PTPRE: variants seen among roughly 807,000 people sequenced by gnomAD.
The protein encoded by PTPRE is protein tyrosine phosphatase receptor type E.
PTPRE carries 51 observed loss-of-function variants against 102.0 expected under a neutral mutation model. That is an observed-to-expected ratio of 0.50 (90% CI 0.40 to 0.63). The LOEUF (loss-of-function observed/expected upper bound fraction) is 0.63. Among genes scored for constraint, PTPRE ranks in the 30% least tolerant of loss-of-function variants. PTPRE has a pLI of 0.00. For synonymous variants in PTPRE, 345 were observed against 348.2 expected (o/e 0.99, Z 0.10); for missense variants, 752 against 915.1 (o/e 0.82, Z 2.30).
At chr10:128,023,235 A>AT (rs1846048718) in intron 2 of PTPRE, among the ~76,000 whole-genome samples, 1 of 152,138 alleles carries the variant, frequency 6.6e-6, no homozygotes, top group Non-Finnish European at 1.5e-5. Flanking sequence ...GTAGGTATAC[A>AT]TGTATAGGAA....
At chr10:128,029,173 C>G (rs551206573) in intron 2 of PTPRE, among the ~76,000 whole-genome samples, 1 of 152,292 alleles carries the variant, frequency 6.6e-6, no homozygotes, top group East Asian at 1.9e-4. Flanking sequence ...AGGCGGAAGG[C>G]TCGTGGGGGC....
At chr10:127,990,477 C>T (rs1286929107) in intron 2 of PTPRE, among the ~76,000 whole-genome samples, 5 of 150,886 alleles carry the variant, frequency 3.3e-5, no homozygotes, top group Non-Finnish European at 7.4e-5. Context: ...CTTGTCACTT[C>T]ATCACTCTGA....
rs1307315800 is a variant in PTPRE at position 128,068,302 on chromosome 10, C to T, written c.1007+16C>T. The T allele has an allele frequency of 6.2e-7, 1 of 1,605,096 alleles. No homozygotes were observed. The highest frequency in any genetic ancestry group is 1.1e-5 in the South Asian group (1 of 90,274). On this transcript the variant is annotated intron_variant, in intron 12 of 20. Transcript: ENST00000254667. ...TCCACTGTAGGTACGCTGTGGGGGC[C>T]ACGGGGCGGGACCCTCAAGGGCAGG...
At chr10:128,046,298 A>C (rs1200973116) in intron 3 of PTPRE, among the ~76,000 whole-genome samples, 1 of 152,260 alleles carries the variant, frequency 6.6e-6, no homozygotes, top group Middle Eastern at 3.4e-3. Context: ...GAGCCCTCCC[A>C]GTGCCCGGAG....
intron 1 of PTPRE, among the ~76,000 whole-genome samples, chr10:127,977,823 C>G (rs1245761388): frequency 6.6e-6 from 1 of 152,208 alleles, no homozygotes; most frequent in East Asian, 1.9e-4. Flanking sequence ...GGGTGGATTT[C>G]CCCTGTTCCG....
chr10:127,956,097 A>G (rs909810254), intron 1 of PTPRE, among the ~76,000 whole-genome samples: 5 of 152,190 alleles, frequency 3.3e-5, no homozygotes, highest in African/African-American at 1.2e-4. Context: ...CTGTCAGGTG[A>G]AACTATTACC....
At chr10:128,000,207 A>G (rs1853726408) in intron 2 of PTPRE, among the ~76,000 whole-genome samples, 1 of 152,216 alleles carries the variant, frequency 6.6e-6, no homozygotes, top group South Asian at 2.1e-4. Context: ...AGTTTGGTTC[A>G]AATGATTTTC....
Position 128,023,188 on chromosome 10 carries a change from A to G in PTPRE, c.-7-17687A>G, listed in dbSNP as rs1421734320. Among the ~76,000 whole-genome samples, 6 of 151,866 alleles carry G rather than the reference A, an allele frequency of 4.0e-5. No homozygotes were observed. In the South Asian group the frequency reaches 1.0e-3, roughly 26 times the overall value. On this transcript the variant is annotated intron_variant, in intron 2 of 20. Transcript: ENST00000254667. ...TTGTTCTATTTTATTATTGTTGTTA[A>G]TCTCTTACTGTGCCTGATTTATAAA...
rs926410994 is a variant in PTPRE at position 128,070,598 on chromosome 10, A to G, written c.1293+148A>G. On this transcript the variant is annotated intron_variant, in intron 14 of 20. Transcript: ENST00000254667. The surrounding 1 kb of genome is among the most constrained non-coding windows in gnomAD (Gnocchi z 4.8). ...AGGGGCAATACCTGAGCCATGATTT[A>G]CAAGGGAAGAAGGATCAGGTGGCTT... 1.9e-5 allele frequency: 23 copies of G among 1,241,378 alleles called. No homozygotes were observed. The highest frequency in any genetic ancestry group is 2.3e-5 in the Non-Finnish European group (21 of 910,736). The allele number at this position is 1,241,378 out of a possible 1,614,324, so 76.9% of individuals were successfully genotyped here. A position where few individuals can be genotyped will look rare whatever the true frequency, so the allele number is the denominator to read the frequency against.
intron 3 of PTPRE, among the ~76,000 whole-genome samples, chr10:128,046,687 T>A (rs1488348337): frequency 6.6e-6 from 1 of 151,792 alleles, no homozygotes; most frequent in East Asian, 1.9e-4. Context: ...GGTCCAAAGG[T>A]GGCAGCGAGG....
In PTPRE at chr10:128,068,224, G is replaced by A. The variant is rs751204517; in HGVS notation, c.945G>A (p.Lys315=). 6 of 1,614,212 alleles carry A rather than the reference G, an allele frequency of 3.7e-6. No individual in the cohort carries two copies. In the South Asian group the frequency reaches 5.5e-5, roughly 15 times the overall value. The change falls in exon 12 of 21, where the codon AAG becomes AAA. Residue 315 remains lysine, a synonymous_variant. Transcript: ENST00000254667. ...GVPFTPIGML[K]FLKKVKTLNP... ...CTTTTACCCCCATTGGGATGCTGAAGTTCCTCAAGAAAGTAAAGACGCTCA... is the reference window on the plus strand; with the variant it reads ...CTTTTACCCCCATTGGGATGCTGAAATTCCTCAAGAAAGTAAAGACGCTCA...
At chr10:127,984,151 G>A (rs181087306) in intron 2 of PTPRE, among the ~76,000 whole-genome samples, 110 of 147,692 alleles carry the variant, frequency 7.4e-4, no homozygotes, top group Admixed American at 3.4e-3. Flanking sequence ...GCGTGATCTC[G>A]GCTCACTGCA....
chr10:127,946,464 T>C lies in PTPRE; in HGVS notation c.-30-35810T>C, dbSNP rs574569699. Among the ~76,000 whole-genome samples, 274 of 119,268 alleles carry C rather than the reference T, an allele frequency of 2.3e-3. 33 individuals carry two copies. Among genetic ancestry groups the C allele is most frequent in the Non-Finnish European group, 4.4e-3 (234 of 53,146 alleles). 78.2% of individuals were successfully genotyped at this position (119,268 alleles called of 152,430 possible). On this transcript the variant is annotated intron_variant, in intron 1 of 20. Transcript: ENST00000254667. ...GGCAAGGCCTGTCAACAGGGAAAGA[T>C]TGAAAAGAGATTGATTCTGCATCTG...
At chr10:127,947,189 A>G (rs973551435) in intron 1 of PTPRE, among the ~76,000 whole-genome samples, 2 of 152,228 alleles carry the variant, frequency 1.3e-5, no homozygotes, top group African/African-American at 4.8e-5. Context: ...AATTGTTTTT[A>G]TAATACAGTG....
At chr10:127,964,929 C>T (rs772493355) in intron 1 of PTPRE, 9 of 453,610 alleles carry the variant, frequency 2.0e-5, no homozygotes, top group Non-Finnish European at 3.1e-5. Context: ...TTCCCTGGAC[C>T]CCACGGAAGA....
intron 2 of PTPRE, among the ~76,000 whole-genome samples, chr10:128,035,824 C>T (rs1475845528): frequency 1.3e-5 from 2 of 152,214 alleles, no homozygotes; most frequent in African/African-American, 4.8e-5. Context: ...CCCTTGCCCT[C>T]AAATGCCCTG....
At position 128,049,662 on chromosome 10, in the gene PTPRE, T is replaced by A. The variant is rs761320730; in HGVS notation, c.416T>A (p.Phe139Tyr). The change falls in exon 6 of 21, where the codon TTC becomes TAC. Residue 139 changes from phenylalanine (F) to tyrosine (Y), a missense_variant. Coordinates refer to ENST00000254667, the MANE Select transcript of PTPRE (RefSeq NM_006504.6). ...ADDCKQFREEFNSLPSGHIQG... is the reference protein window; with the variant it reads ...ADDCKQFREEYNSLPSGHIQG... Reference sequence around the variant, plus strand: ...GACTGCAAGCAGTTTCGGGAGGAGTTCAACGTGAGTGTGGGGAGGGCTCTC... The same window carrying A: ...GACTGCAAGCAGTTTCGGGAGGAGTACAACGTGAGTGTGGGGAGGGCTCTC... 13 of 1,613,594 alleles carry A rather than the reference T, an allele frequency of 8.1e-6. No individual in the cohort carries two copies. In the South Asian group the frequency reaches 1.4e-4, roughly 18 times the overall value.
At chr10:127,922,359 T>G (rs1846664386) in intron 1 of PTPRE, among the ~76,000 whole-genome samples, 1 of 152,222 alleles carries the variant, frequency 6.6e-6, no homozygotes, top group Non-Finnish European at 1.5e-5. Flanking sequence ...CTGGGGGTCC[T>G]GTGGGAGGCA....
At position 127,965,143 on chromosome 10, in the gene PTPRE, C is replaced by T. The variant is rs376735609; in HGVS notation, c.-30-17131C>T. On this transcript the variant is annotated intron_variant, in intron 1 of 20. Transcript: ENST00000254667. ...GTTGGCTTTTTTACTTCTTAAGAAG[C>T]ATCTTTAATTTGAACTTCCATAACC... The T allele has an allele frequency of 2.3e-3, 822 of 356,272 alleles. 13 individuals are homozygous for T. Among genetic ancestry groups the T allele is most frequent in the South Asian group, 0.014 (608 of 44,448 alleles). The allele number at this position is 356,272 out of a possible 1,614,324, so 22.1% of individuals were successfully genotyped here.
Sources: allele counts gnomAD v4.1 joint callset (sites outside exome capture counted in the v4.1 genomes callset), GRCh38; gene constraint gnomAD v4.1.1; non-coding constraint Gnocchi (gnomAD v3.1); transcripts MANE v1.5; gene names NCBI Gene and HGNC (gene_info 2026-07-23, HGNC 2026-07-21).